Variants in NEK10 observed in about 807,000 individuals in gnomAD.
NEK10 encodes NIMA related kinase 10.
A neutral mutation model predicts 159.8 loss-of-function variants in NEK10; 122 were observed. That is an observed-to-expected ratio of 0.76 (90% CI 0.66 to 0.89). The LOEUF (loss-of-function observed/expected upper bound fraction) is 0.89, where lower values mean the gene tolerates loss of function less well. Ranked by LOEUF, NEK10 falls within the 40% of genes least tolerant of loss-of-function variation. NEK10 has a pLI of 0.00. For synonymous variants in NEK10, 466 were observed against 457.1 expected, an observed-to-expected ratio of 1.02 and a Z score of -0.25; for missense variants, 1,342 against 1,323.1, an observed-to-expected ratio of 1.01 and a Z score of -0.22.
At chr3:27,119,736 G>A (rs1941011828) in intron 33 of NEK10, 24 bp downstream of exon 33, 2 of 1,535,574 alleles carry the variant, frequency 1.3e-6, no homozygotes, top group Non-Finnish European at 1.8e-6. Flanking sequence ...TGAAAGCCAG[G>A]TTACCCATGT....
At chr3:27,213,140 C>T (rs554495625) in intron 23 of NEK10, among the ~76,000 whole-genome samples, 1 of 152,336 alleles carries the variant, frequency 6.6e-6, no homozygotes, top group South Asian at 2.1e-4. Context: ...TCAACCCACT[C>T]CCACCTGTGA....
intron 32 of NEK10, among the ~76,000 whole-genome samples, chr3:27,127,928 A>T (rs1411996597): frequency 6.6e-6 from 1 of 152,020 alleles, no homozygotes; most frequent in Non-Finnish European, 1.5e-5. Flanking sequence ...TTATTTATTG[A>T]AGAAAACAGG....
intron 14 of NEK10, 133 bp from the exon 15 acceptor site, chr3:27,295,823 C>A (rs1192924722): frequency 1.7e-6 from 2 of 1,167,760 alleles, no homozygotes; most frequent in Non-Finnish European, 1.1e-6. Context: ...TTGAAGTAAA[C>A]ATTACAGGAC....
intron 19 of NEK10, among the ~76,000 whole-genome samples, chr3:27,290,228 T>A (rs185673082): frequency 1.3e-5 from 2 of 152,372 alleles, no homozygotes; most frequent in Non-Finnish European, 2.9e-5. Context: ...ATTTGAGGAA[T>A]GTTAACAGCT....
intron 19 of NEK10, among the ~76,000 whole-genome samples, chr3:27,290,039 A>C (rs1219631575): frequency 6.6e-6 from 1 of 152,162 alleles, no homozygotes; most frequent in Non-Finnish European, 1.5e-5. Context: ...AAAGAAACCA[A>C]TGTGTTCTTG....
At chr3:27,202,295 G>A (rs1575219798) in intron 24 of NEK10, 133 bp downstream of exon 24, 1 of 681,104 alleles carries the variant, frequency 1.5e-6, no homozygotes, top group East Asian at 3.1e-5. Flanking sequence ...AAAATAAACT[G>A]GATCATGCAG....
intron 23 of NEK10, chr3:27,215,032 G>T: frequency 6.8e-6 from 4 of 591,636 alleles, no homozygotes; most frequent in Admixed American, 4.9e-5. Context: ...GTTCCCCACC[G>T]GCGCCTCCAG....
chr3:27,140,486 A>C (rs1943676378), intron 31 of NEK10, among the ~76,000 whole-genome samples: 1 of 152,230 alleles, frequency 6.6e-6, no homozygotes, highest in Non-Finnish European at 1.5e-5. Context: ...TTGCAAACTG[A>C]CATCAAGATT....
intron 30 of NEK10, among the ~76,000 whole-genome samples, chr3:27,160,662 T>C (rs905878872): frequency 6.6e-6 from 1 of 152,064 alleles, no homozygotes; most frequent in African/African-American, 2.4e-5. Context: ...TCCCAGCAAT[T>C]TGGGAGGCCG....
intron 22 of NEK10, among the ~76,000 whole-genome samples, chr3:27,263,671 C>T (rs538746376): frequency 1.4e-4 from 21 of 152,284 alleles, no homozygotes; most frequent in Admixed American, 1.2e-3. Context: ...TGGAAAAGCG[C>T]AGTATTAGGG....
intron 22 of NEK10, among the ~76,000 whole-genome samples, chr3:27,272,520 A>G (rs2041444912): frequency 6.6e-6 from 1 of 152,182 alleles, no homozygotes; most frequent in South Asian, 2.1e-4. Flanking sequence ...TTTCCTTTTA[A>G]TCCATCCTAC....
chr3:27,329,643 G>A (rs1367374453), intron 5 of NEK10, among the ~76,000 whole-genome samples: 1 of 152,226 alleles, frequency 6.6e-6, no homozygotes, highest in African/African-American at 2.4e-5. Context: ...CCAAGTGAAT[G>A]AGCTACACAA....
chr3:27,113,552 C>T (rs1361673455), intron 35 of NEK10, among the ~76,000 whole-genome samples: 2 of 151,126 alleles, frequency 1.3e-5, no homozygotes, highest in Non-Finnish European at 2.9e-5. Context: ...CAATACCCAA[C>T]TTATATTGCT....
In NEK10 at chr3:27,108,207, C is replaced by T. The variant is rs1939180034; in HGVS notation, c.*3065G>A. 6.6e-6 allele frequency among the ~76,000 whole-genome samples: 1 copy of T among 152,160 alleles called. No individual in the cohort carries two copies. Among genetic ancestry groups the T allele is most frequent in the Non-Finnish European group, 1.5e-5 (1 of 68,012 alleles). On this transcript the variant is annotated 3_prime_UTR_variant, in exon 36 of 36. Coordinates refer to ENST00000691995, the MANE Select transcript of NEK10 (RefSeq NM_001394966.1). Reference sequence around the variant, plus strand: ...AACAGTGTTTCTTAATTGTGTTCTGCTTTAGAATGCCTAAACATTCTGTAA... The same window carrying T: ...AACAGTGTTTCTTAATTGTGTTCTGTTTTAGAATGCCTAAACATTCTGTAA...
intron 22 of NEK10, among the ~76,000 whole-genome samples, chr3:27,283,196 G>A (rs17019612): frequency 0.087 from 13,150 of 152,004 alleles, 1,870 homozygotes; most frequent in African/African-American, 0.3. Context: ...CATGGGTACT[G>A]AAATTCTAAA....
At chr3:27,254,822 A>C (rs1465736357) in intron 23 of NEK10, among the ~76,000 whole-genome samples, 1 of 152,134 alleles carries the variant, frequency 6.6e-6, no homozygotes. Context: ...TAAAAATTAA[A>C]TGAAAATGTG....
chr3:27,189,710 C>T (rs1288627070), intron 26 of NEK10, among the ~76,000 whole-genome samples: 1 of 152,066 alleles, frequency 6.6e-6, no homozygotes, highest in Non-Finnish European at 1.5e-5. Flanking sequence ...GAAATGCAAT[C>T]TTCCTTCTTG....
intron 22 of NEK10, among the ~76,000 whole-genome samples, chr3:27,258,078 G>A (rs1956401934): frequency 2.0e-5 from 3 of 151,914 alleles, no homozygotes; most frequent in South Asian, 2.1e-4. Flanking sequence ...TTACAGGCGT[G>A]AGCCTCCATG....
At chr3:27,360,765 A>G (rs2048629834) in intron 1 of NEK10, among the ~76,000 whole-genome samples, 1 of 152,198 alleles carries the variant, frequency 6.6e-6, no homozygotes, top group Admixed American at 6.5e-5. Flanking sequence ...TAATCATCAT[A>G]GAGTGGTAAA....
Sources: allele counts gnomAD v4.1 joint callset (sites outside exome capture counted in the v4.1 genomes callset), GRCh38; gene constraint gnomAD v4.1.1; transcripts MANE v1.5; gene names NCBI Gene and HGNC (gene_info 2026-07-23, HGNC 2026-07-21).